The following CCDC144A variants were observed in gnomAD, a reference collection of about 807,000 sequenced individuals.
The protein encoded by CCDC144A is coiled-coil domain containing 144A, also known as coiled-coil domain-containing protein 144A.
In CCDC144A, 41 loss-of-function variants were observed where a neutral mutation model predicts 143.8. That is an observed-to-expected ratio of 0.29 (90% CI 0.22 to 0.37). The LOEUF (loss-of-function observed/expected upper bound fraction) is 0.37. Ranked by LOEUF, CCDC144A falls within the 10% of genes least tolerant of loss-of-function variation. The pLI, the probability that CCDC144A is intolerant of heterozygous loss-of-function variation, is 1.00. For synonymous variants in CCDC144A, 242 were observed against 517.9 expected (o/e 0.47, Z 7.23); for missense variants, 637 against 1,488.8 (o/e 0.43, Z 9.41).
intron 12 of CCDC144A, among the ~76,000 whole-genome samples, chr17:16,753,694 T>C (rs1716713190): frequency 6.6e-6 from 1 of 152,204 alleles, no homozygotes; most frequent in Admixed American, 6.5e-5. Flanking sequence ...GTTTTCTGTA[T>C]ATGAGATCAG....
intron 8 of CCDC144A, among the ~76,000 whole-genome samples, chr17:16,725,974 A>G (rs1913394355): frequency 6.6e-6 from 1 of 151,734 alleles, no homozygotes; most frequent in Middle Eastern, 3.2e-3. Flanking sequence ...TGATGTCTCA[A>G]ATTTATGAAT....
upstream of CCDC144A, among the ~76,000 whole-genome samples, chr17:16,685,298 A>T (rs1429618452): frequency 6.6e-6 from 1 of 152,070 alleles, no homozygotes; most frequent in Non-Finnish European, 1.5e-5. Flanking sequence ...AAGTGCTGGG[A>T]TTACATTTGT....
At chr17:16,773,474 A>G in intron 16 of CCDC144A, 23 bp from the exon 17 acceptor site, 3 of 1,535,782 alleles carry the variant, frequency 2.0e-6, no homozygotes, top group Non-Finnish European at 2.6e-6. Flanking sequence ...TAATAATAAT[A>G]TAATTCTTGC....
At chr17:16,681,329 A>C in the CCDC144A span, among the ~76,000 whole-genome samples, 43 of 152,074 alleles carry the variant, frequency 2.8e-4, 1 homozygote, top group Non-Finnish European at 1.2e-4. Flanking sequence ...AAACAAATGG[A>C]AATCTCTTGA....
In CCDC144A at chr17:16,690,526, G is replaced by A; in HGVS notation, c.126G>A (p.Gly42=). ...ACCAGTGGTACTTGGGCTACCCGGG[G>A]GACCAGTGGTCCTCGGGCTTCCCCT... is the stretch of plus-strand genomic sequence containing the variant. ...QGDQWYLGYP[G]DQWSSGFPYS... is the part of the protein sequence containing the mutation. Residue 42 remains glycine, a synonymous_variant, in exon 1 of 17, where the codon GGG becomes GGA. Coordinates refer to ENST00000399273, the MANE Select transcript of CCDC144A (RefSeq NM_001382000.1). 1 of 1,613,390 alleles carries A rather than the reference G, an allele frequency of 6.2e-7. No individual in the cohort carries two copies. Among genetic ancestry groups the A allele is most frequent in the Non-Finnish European group, 8.5e-7 (1 of 1,179,738 alleles).
chr17:16,715,769 T>C (rs1323027069), intron 6 of CCDC144A, among the ~76,000 whole-genome samples: 1 of 152,234 alleles, frequency 6.6e-6, no homozygotes, highest in South Asian at 2.1e-4. Context: ...ACTTGAAGCA[T>C]TGGCAGACTC....
chr17:16,706,850 C>G (rs1912092792), intron 3 of CCDC144A: 1 of 152,092 alleles, frequency 6.6e-6, no homozygotes. Flanking sequence ...AAAATCAGTT[C>G]TAGGGCAGCC....
intron 6 of CCDC144A, among the ~76,000 whole-genome samples, chr17:16,716,914 C>G (rs992710063): frequency 6.0e-5 from 9 of 150,504 alleles, no homozygotes; most frequent in African/African-American, 2.2e-4. Context: ...CCTGGGTTCC[C>G]GCCATTCTCC....
intron 5 of CCDC144A, chr17:16,710,484 T>G (rs1488365590): frequency 6.5e-6 from 1 of 152,758 alleles, no homozygotes; most frequent in African/African-American, 2.4e-5. Context: ...TAACTCAAAC[T>G]GCTGGAACTT....
chr17:16,693,441 G>A (rs1158295862), intron 2 of CCDC144A, among the ~76,000 whole-genome samples: 2 of 152,046 alleles, frequency 1.3e-5, no homozygotes, highest in Admixed American at 1.3e-4. Flanking sequence ...TCAGCCTGCG[G>A]AGTAGCTGGG....
At position 16,709,708 on chromosome 17, in the gene CCDC144A, A is replaced by C. The variant is rs564960312; in HGVS notation, c.1578+73A>C. ...GGTCCATTCTGATTTTCCACTTAGG[A>C]AAAGCATATGAAAAGCATACAGTTT... On this transcript the variant is annotated intron_variant, in intron 5 of 16. Coordinates refer to ENST00000399273, the MANE Select transcript of CCDC144A (RefSeq NM_001382000.1). 3.3e-6 allele frequency: 5 copies of C among 1,505,720 alleles called. No individual in the cohort carries two copies. The African/African-American group carries it at 5.6e-5, about 17-fold the overall frequency. 93.3% of individuals were successfully genotyped at this position (1,505,720 alleles called of 1,614,324 possible).
intron 6 of CCDC144A, among the ~76,000 whole-genome samples, chr17:16,718,393 T>G (rs1257823190): frequency 6.6e-6 from 1 of 152,144 alleles, no homozygotes; most frequent in Non-Finnish European, 1.5e-5. Context: ...AAGGATAACA[T>G]GTTTATGAGA....
Position 16,762,365 on chromosome 17 carries a change from C to T in CCDC144A, c.3719C>T (p.Thr1240Ile). 1 of 1,602,596 alleles carries T rather than the reference C, an allele frequency of 6.2e-7. No homozygotes were observed. The highest frequency in any genetic ancestry group is 8.5e-7 in the Non-Finnish European group (1 of 1,175,026). ...EQLVQLREDN[T>I]TSIKTQMELT... The stretch of plus-strand genomic sequence containing the variant: ...TTAGTACAGTTAAGGGAGGATAATA[C>T]TACTTCAATAAAAACTCAGATGGAA... The change falls in exon 14 of 17, where the codon ACT (threonine) becomes ATT (isoleucine). Residue 1240 changes from threonine to isoleucine, a missense_variant. Thr to Ile is a moderately conservative substitution (Grantham distance 89, BLOSUM62 -1). Transcript: ENST00000399273.
rs537040858 is a variant in CCDC144A at position 16,692,202 on chromosome 17, C to G, written c.345-777C>G. Among the ~76,000 whole-genome samples, 4 of 151,918 alleles carry G rather than the reference C, an allele frequency of 2.6e-5. No individual in the cohort carries two copies. The South Asian group carries it at 6.3e-4, about 24-fold the overall frequency. ...ATGAACATGGGGATTGAGCATCCTT[C>G]TAACAAAGATCTGCCGATTCAGAGT... On this transcript the variant is annotated intron_variant, in intron 1 of 16. Coordinates refer to ENST00000399273, the MANE Select transcript of CCDC144A (RefSeq NM_001382000.1).
At chr17:16,670,266 A>C in the CCDC144A span, among the ~76,000 whole-genome samples, 1 of 151,338 alleles carries the variant, frequency 6.6e-6, no homozygotes, top group African/African-American at 2.4e-5. Flanking sequence ...GTGGTTCAAT[A>C]AATAATCTTG....
intron 3 of CCDC144A, 95 bp from the exon 4 acceptor site, chr17:16,707,374 A>G: frequency 1.5e-6 from 1 of 665,566 alleles, no homozygotes; most frequent in Non-Finnish European, 2.6e-6. Flanking sequence ...AATTTATGAA[A>G]TAAAATGAAA....
intron 9 of CCDC144A, among the ~76,000 whole-genome samples, chr17:16,730,613 C>A (rs1913694778): frequency 8.4e-6 from 1 of 118,598 alleles, no homozygotes; most frequent in Admixed American, 8.5e-5. Context: ...TTCTTCTAAT[C>A]TATGAACATA....
chr17:16,743,013 A>G (rs1051070247), intron 12 of CCDC144A, among the ~76,000 whole-genome samples: 4 of 152,026 alleles, frequency 2.6e-5, no homozygotes, highest in Admixed American at 6.6e-5. Flanking sequence ...CCAGTCTACA[A>G]TTGTTGGTTG....
At chr17:16,746,337 C>T (rs1159848270) in intron 12 of CCDC144A, 20 of 932,664 alleles carry the variant, frequency 2.1e-5, no homozygotes, top group Non-Finnish European at 2.9e-5. Context: ...CGTTTATTTT[C>T]TAACTCTCTC....
Sources: gnomAD v4.1 joint callset for allele counts (sites outside exome capture counted in the v4.1 genomes callset) on GRCh38, gnomAD v4.1.1 for gene constraint, MANE v1.5 for transcripts, NCBI Gene and HGNC (gene_info 2026-07-23, HGNC 2026-07-21) for gene names.